The following TWIST2 variants were observed in gnomAD, a reference collection of about 807,000 sequenced individuals.
TWIST2 encodes twist family bHLH transcription factor 2, also known as twist-related protein 2.
TWIST2 carries 1 observed loss-of-function variant against 11.6 expected under a neutral mutation model. That is an observed-to-expected ratio of 0.09 (90% CI 0.03 to 0.41). The LOEUF is 0.41. TWIST2 is among the 10% of genes least tolerant of loss of function. The pLI, the probability that TWIST2 is intolerant of heterozygous loss-of-function variation, is 0.98. For missense variants in TWIST2, 168 were observed against 226.4 expected (o/e 0.74, Z 1.66); for synonymous variants, 87 against 96.6 (o/e 0.90, Z 0.58).
At chr2:238,901,855 A>G (rs1360618815) in intron 1 of TWIST2, among the ~76,000 whole-genome samples, 2 of 150,868 alleles carry the variant, frequency 1.3e-5, no homozygotes, top group African/African-American at 4.9e-5. Flanking sequence ...CTGTGATCTC[A>G]CCCTGGCACG....
intron 1 of TWIST2, among the ~76,000 whole-genome samples, chr2:238,879,111 C>T (rs2106363481): frequency 6.6e-6 from 1 of 152,346 alleles, no homozygotes; most frequent in African/African-American, 2.4e-5. Context: ...CTCGGCCGTC[C>T]TGGGCGGACA....
At chr2:238,905,620 C>A (rs1304971273) in intron 1 of TWIST2, among the ~76,000 whole-genome samples, 2 of 152,150 alleles carry the variant, frequency 1.3e-5, no homozygotes, top group Non-Finnish European at 1.5e-5. Context: ...ATGGGTGATA[C>A]GGTATTTCCC....
At chr2:238,870,095 G>A (rs977426704) in intron 1 of TWIST2, among the ~76,000 whole-genome samples, 5 of 102,142 alleles carry the variant, frequency 4.9e-5, no homozygotes, top group African/African-American at 2.1e-4. Flanking sequence ...GACAAAACGT[G>A]GTGTGTACAC....
chr2:238,907,033 G>A (rs1166966929), intron 1 of TWIST2, among the ~76,000 whole-genome samples: 5 of 152,230 alleles, frequency 3.3e-5, no homozygotes, highest in Admixed American at 1.3e-4. Context: ...GAGCAGTAAA[G>A]GTCCCAGGTC....
intron 1 of TWIST2, among the ~76,000 whole-genome samples, chr2:238,881,706 G>T (rs997639409): frequency 1.3e-5 from 2 of 152,020 alleles, no homozygotes; most frequent in African/African-American, 4.8e-5. Context: ...TCCCCATCTC[G>T]GCCCCTCTTG....
At chr2:238,898,157 G>T (rs954899246) in intron 1 of TWIST2, among the ~76,000 whole-genome samples, 1 of 152,220 alleles carries the variant, frequency 6.6e-6, no homozygotes. Flanking sequence ...GGTGGGGCCA[G>T]CCCCGAGCAG....
chr2:238,907,470 G>A (rs990609961), intron 1 of TWIST2, among the ~76,000 whole-genome samples: 2 of 152,236 alleles, frequency 1.3e-5, no homozygotes, highest in Admixed American at 1.3e-4. Flanking sequence ...GCCTGAGCGG[G>A]TTCTTTCCCC....
intron 1 of TWIST2, among the ~76,000 whole-genome samples, chr2:238,890,350 C>T (rs916789974): frequency 6.6e-6 from 1 of 152,202 alleles, no homozygotes; most frequent in Non-Finnish European, 1.5e-5. Context: ...AGGCACCCTC[C>T]AGAGCCTGGG....
chr2:238,873,753 G>C (rs1467939942), intron 1 of TWIST2, among the ~76,000 whole-genome samples: 1 of 152,194 alleles, frequency 6.6e-6, no homozygotes, highest in East Asian at 1.9e-4. Context: ...TCTTGGAAAG[G>C]CTTGATGAGT....
chr2:238,860,649 T>C (rs569702811), intron 1 of TWIST2, among the ~76,000 whole-genome samples: 1 of 152,268 alleles, frequency 6.6e-6, no homozygotes, highest in South Asian at 2.1e-4. Context: ...AGACAAAAAC[T>C]GTTCCGGGCC....
intron 1 of TWIST2, among the ~76,000 whole-genome samples, chr2:238,855,324 C>T (rs965504438): frequency 6.6e-6 from 1 of 152,218 alleles, no homozygotes; most frequent in African/African-American, 2.4e-5. Flanking sequence ...AATCGGGCAT[C>T]TACACGTCTC....
At chr2:238,880,231 T>TA (rs1692888930) in intron 1 of TWIST2, among the ~76,000 whole-genome samples, 1 of 120,338 alleles carries the variant, frequency 8.3e-6, no homozygotes, top group Non-Finnish European at 1.6e-5. Context: ...GTGTTAGTAT[T>TA]TATTAGTATT....
chr2:238,851,090 C>G (rs1268118859), intron 1 of TWIST2, among the ~76,000 whole-genome samples: 1 of 152,204 alleles, frequency 6.6e-6, no homozygotes, highest in Non-Finnish European at 1.5e-5. Context: ...TAATTATATG[C>G]ATCAGCAAAG....
intron 1 of TWIST2, among the ~76,000 whole-genome samples, chr2:238,899,389 T>TGAGCC (rs1159449936): frequency 1.3e-5 from 2 of 152,246 alleles, no homozygotes; most frequent in Non-Finnish European, 2.9e-5. Flanking sequence ...GCCAAGCCTT[T>TGAGCC]CTGGTGAAGT....
intron 1 of TWIST2, among the ~76,000 whole-genome samples, chr2:238,900,660 C>T (rs918331366): frequency 5.9e-5 from 9 of 152,156 alleles, no homozygotes; most frequent in African/African-American, 1.9e-4. Context: ...TATGGACTTT[C>T]GGGGCTGCCC....
chr2:238,852,398 G>A (rs1338243151), intron 1 of TWIST2, among the ~76,000 whole-genome samples: 1 of 152,120 alleles, frequency 6.6e-6, no homozygotes, highest in Non-Finnish European at 1.5e-5. Context: ...TAAATGTGCT[G>A]CAAAAAGCAA....
chr2:238,908,367 CAA>C (rs2106376812), intron 1 of TWIST2, among the ~76,000 whole-genome samples: 1 of 150,800 alleles, frequency 6.6e-6, no homozygotes, highest in South Asian at 2.1e-4. Flanking sequence ...CACATACACA[CAA>C]ACACAAACCA....
At chr2:238,853,220 G>A (rs1244773229) in intron 1 of TWIST2, among the ~76,000 whole-genome samples, 2 of 152,128 alleles carry the variant, frequency 1.3e-5, no homozygotes, top group Non-Finnish European at 1.5e-5. Flanking sequence ...TGTTATATTT[G>A]CTTTTTAAGA....
intron 1 of TWIST2, among the ~76,000 whole-genome samples, chr2:238,882,258 G>T (rs1452270287): frequency 6.6e-6 from 1 of 152,184 alleles, no homozygotes; most frequent in African/African-American, 2.4e-5. Flanking sequence ...TCTGCTGTCT[G>T]CACAGTGCAC....
Sources: gnomAD v4.1 joint callset for allele counts (sites outside exome capture counted in the v4.1 genomes callset) on GRCh38, gnomAD v4.1.1 for gene constraint, MANE v1.5 for transcripts, NCBI Gene and HGNC (gene_info 2026-07-23, HGNC 2026-07-21) for gene names.